SIK3: variants seen among roughly 807,000 people sequenced by gnomAD.
The protein encoded by SIK3 is SIK family kinase 3.
A neutral mutation model predicts 144.2 loss-of-function variants in SIK3; 28 were observed. The observed-to-expected ratio is 0.19, with a 90% CI of 0.14 to 0.27. The LOEUF is 0.27. Among genes scored for constraint, SIK3 ranks in the 10% least tolerant of loss-of-function variants. The pLI is 1.00. For synonymous variants in SIK3, 686 were observed against 676.3 expected, an observed-to-expected ratio of 1.01 and a Z score of -0.22; for missense variants, 1,319 against 1,776.0, an observed-to-expected ratio of 0.74 and a Z score of 4.62.
At chr11:116,845,854 T>C (rs1176460489) in intron 24 of SIK3, among the ~76,000 whole-genome samples, 1 of 152,222 alleles carries the variant, frequency 6.6e-6, no homozygotes, top group Non-Finnish European at 1.5e-5. Flanking sequence ...TGTGTACTCT[T>C]TGCATTACTC....
At chr11:116,860,806 C>T (rs1238698284) in intron 19 of SIK3, among the ~76,000 whole-genome samples, 2 of 152,122 alleles carry the variant, frequency 1.3e-5, no homozygotes, top group Non-Finnish European at 2.9e-5. Flanking sequence ...GACTGGATCA[C>T]GGGGCAGTTT....
chr11:116,860,662 G>A (rs1357196856), intron 19 of SIK3, among the ~76,000 whole-genome samples: 1 of 152,202 alleles, frequency 6.6e-6, no homozygotes, highest in East Asian at 1.9e-4. Flanking sequence ...TGTTCCAAGT[G>A]TTTTACGTAT....
At chr11:117,080,361 C>T (rs529132160) in intron 1 of SIK3, among the ~76,000 whole-genome samples, 1 of 152,084 alleles carries the variant, frequency 6.6e-6, no homozygotes, top group African/African-American at 2.4e-5. Flanking sequence ...TACTTTGATC[C>T]AAGCATTCCA....
intron 1 of SIK3, among the ~76,000 whole-genome samples, chr11:117,040,581 T>G (rs2135852090): frequency 6.6e-6 from 1 of 152,274 alleles, no homozygotes; most frequent in African/African-American, 2.4e-5. Flanking sequence ...GCTAAAGATA[T>G]CAGGGAAGGT....
At chr11:117,031,682 G>C (rs922152653) in intron 1 of SIK3, among the ~76,000 whole-genome samples, 5 of 135,042 alleles carry the variant, frequency 3.7e-5, no homozygotes, top group African/African-American at 1.4e-4. Flanking sequence ...CACCACACCC[G>C]GCTAATTTTT....
chr11:116,894,923 T>A (rs1945316182), intron 6 of SIK3, among the ~76,000 whole-genome samples: 1 of 152,216 alleles, frequency 6.6e-6, no homozygotes, highest in Non-Finnish European at 1.5e-5. Flanking sequence ...ACCGGCAACA[T>A]AGCAGCCAAA....
At chr11:117,046,777 G>A (rs947756056) in intron 1 of SIK3, among the ~76,000 whole-genome samples, 1 of 152,164 alleles carries the variant, frequency 6.6e-6, no homozygotes, top group African/African-American at 2.4e-5. Context: ...CTGCTCAGGA[G>A]GCTGAGGTGG....
rs370503195 is a variant in SIK3, at chr11:116,987,544, C to T, written c.274-30480G>A. ...AGGTATGGAAAAGAATAAACAGGTA[C>T]TAGGAGAATGCCCTCTTAACACAAC... On this transcript the variant is annotated intron_variant, in intron 1 of 24. Coordinates refer to ENST00000445177, the MANE Select transcript of SIK3 (RefSeq NM_001366686.3). Among the ~76,000 whole-genome samples, 123 of 152,232 alleles carry T rather than the reference C, an allele frequency of 8.1e-4. 1 individual carries two copies. Among genetic ancestry groups the T allele is most frequent in the African/African-American group, 2.9e-3 (121 of 41,530 alleles).
chr11:116,942,477 C>A (rs890941973), intron 3 of SIK3, among the ~76,000 whole-genome samples: 7 of 151,822 alleles, frequency 4.6e-5, no homozygotes, highest in Non-Finnish European at 8.8e-5. Context: ...AGTAAAAAAA[C>A]AAATAAATAT....
At chr11:117,052,638 C>T (rs965553609) in intron 1 of SIK3, among the ~76,000 whole-genome samples, 7 of 152,222 alleles carry the variant, frequency 4.6e-5, no homozygotes, top group Admixed American at 3.9e-4. Context: ...AGTCTTATAG[C>T]AGCCTTTGTG....
Position 116,956,319 on chromosome 11 carries a change from T to C in SIK3, c.390+629A>G, listed in dbSNP as rs79072080. On this transcript the variant is annotated intron_variant, in intron 2 of 24. Transcript: ENST00000445177. ...TTTTGATGATGGCATGAAATATGCA[T>C]GTTTCTTGGGAAGACCAAAAAAAAA... 2.3e-3 allele frequency among the ~76,000 whole-genome samples: 347 copies of C among 150,790 alleles called. 3 individuals carry two copies. The highest frequency in any genetic ancestry group is 7.3e-3 in the African/African-American group (300 of 40,992).
chr11:117,079,292 C>G (rs945099318), intron 1 of SIK3, among the ~76,000 whole-genome samples: 2 of 152,076 alleles, frequency 1.3e-5, no homozygotes, highest in Non-Finnish European at 2.9e-5. Flanking sequence ...CAGAAATGTA[C>G]CTAAGTATCT....
chr11:116,986,229 C>T (rs1378884840), intron 1 of SIK3, among the ~76,000 whole-genome samples: 1 of 152,156 alleles, frequency 6.6e-6, no homozygotes, highest in Non-Finnish European at 1.5e-5. Flanking sequence ...GGAAAGAACA[C>T]CTGGGCTTGG....
At chr11:116,899,279 T>C (rs895570757) in intron 4 of SIK3, among the ~76,000 whole-genome samples, 1 of 151,712 alleles carries the variant, frequency 6.6e-6, no homozygotes, top group African/African-American at 2.4e-5. Flanking sequence ...ATCAGATAGT[T>C]GTAGATATGC....
At chr11:117,003,564 G>C (rs924864705) in intron 1 of SIK3, among the ~76,000 whole-genome samples, 2 of 152,130 alleles carry the variant, frequency 1.3e-5, no homozygotes, top group African/African-American at 4.8e-5. Flanking sequence ...GGCGGAGGCA[G>C]AAGGATCACT....
chr11:117,011,887 G>A (rs956147448), intron 1 of SIK3, among the ~76,000 whole-genome samples: 2 of 152,112 alleles, frequency 1.3e-5, no homozygotes, highest in African/African-American at 2.4e-5. Flanking sequence ...CTACGCAATA[G>A]AGAGAAAGAG....
chr11:116,957,067 G>C lies in SIK3; in HGVS notation c.274-3C>G. 6.4e-7 allele frequency: 1 copy of C among 1,556,050 alleles called. No homozygotes were observed. The highest frequency in any genetic ancestry group is 1.2e-5 in the South Asian group (1 of 83,452). On this transcript the variant is annotated splice_polypyrimidine_tract_variant and splice_region_variant and intron_variant, in intron 1 of 24. Transcript: ENST00000445177. ...TTATCTATGATCTTGATAGCAACCT[G>C]ACAACAGAGGGAAAAAAATTACTCT...
chr11:116,960,539 C>T (rs915042693), intron 1 of SIK3, among the ~76,000 whole-genome samples: 1 of 151,982 alleles, frequency 6.6e-6, no homozygotes, highest in Non-Finnish European at 1.5e-5. Flanking sequence ...AAAAACAAAA[C>T]AAAACAAAAA....
At position 116,847,605 on chromosome 11, in the gene SIK3, G is replaced by C. The variant is rs1942078300; in HGVS notation, c.3823C>G (p.Gln1275Glu). 1.2e-6 allele frequency: 2 copies of C among 1,614,176 alleles called. No individual in the cohort carries two copies. The highest frequency in any genetic ancestry group is 1.7e-6 in the Non-Finnish European group (2 of 1,180,038). The change falls in exon 23 of 25, where the codon CAG (glutamine) becomes GAG (glutamate). Residue 1275 changes from glutamine (Q) to glutamate (E), a missense_variant. Physicochemically the swap from Gln to Glu is conservative, Grantham distance 29 (BLOSUM62 2). Transcript: ENST00000445177. ...CTCATTCCTGGCAAGTTATCCAGCTGTACCTGCAGAAAACAGTTAAGAGAA... is the reference window on the plus strand; with the variant it reads ...CTCATTCCTGGCAAGTTATCCAGCTCTACCTGCAGAAAACAGTTAAGAGAA... ...TIQNSDDAYVQLDNLPGMSLV... is the reference protein window; with the variant it reads ...TIQNSDDAYVELDNLPGMSLV...
Sources: allele counts gnomAD v4.1 joint callset (sites outside exome capture counted in the v4.1 genomes callset), GRCh38; gene constraint gnomAD v4.1.1; transcripts MANE v1.5; gene names NCBI Gene and HGNC (gene_info 2026-07-23, HGNC 2026-07-21).